SORCS2: variants seen among roughly 807,000 people sequenced by gnomAD.
SORCS2 encodes VPS10 domain-containing receptor SorCS2.
SORCS2 carries 100 observed loss-of-function variants against 141.6 expected under a neutral mutation model. The observed-to-expected ratio is 0.71, with a 90% CI of 0.60 to 0.83. SORCS2 has a LOEUF of 0.83. Ranked by LOEUF, SORCS2 falls within the 40% of genes least tolerant of loss-of-function variation. The pLI, the probability that SORCS2 is intolerant of heterozygous loss-of-function variation, is 0.00. For synonymous variants in SORCS2, 789 were observed against 676.9 expected (o/e 1.17, Z -2.57); for missense variants, 1,646 against 1,560.2 (o/e 1.05, Z -0.93).
intron 3 of SORCS2, among the ~76,000 whole-genome samples, chr4:7,555,845 A>C (rs1714065542): frequency 6.6e-6 from 1 of 152,208 alleles, no homozygotes; most frequent in African/African-American, 2.4e-5. Flanking sequence ...AGAGACTTGA[A>C]GAAGGTCAGT....
chr4:7,302,326 G>A (rs1717486364), intron 1 of SORCS2, among the ~76,000 whole-genome samples: 2 of 152,238 alleles, frequency 1.3e-5, no homozygotes. Flanking sequence ...ACTAGTGGCT[G>A]TGCAGTGGTT....
At chr4:7,432,531 C>T (rs928689723) in intron 2 of SORCS2, 1 of 152,212 alleles carries the variant, frequency 6.6e-6, no homozygotes, top group Non-Finnish European at 1.5e-5. Flanking sequence ...CGGTGGCCAC[C>T]CCAGACTCCT....
At chr4:7,492,870 A>G (rs1277111214) in intron 2 of SORCS2, among the ~76,000 whole-genome samples, 1 of 152,258 alleles carries the variant, frequency 6.6e-6, no homozygotes, top group Non-Finnish European at 1.5e-5. Context: ...ACCCCAGGGC[A>G]GGCCCGGACT....
chr4:7,554,606 G>A (rs548274285), intron 3 of SORCS2, among the ~76,000 whole-genome samples: 46 of 152,300 alleles, frequency 3.0e-4, no homozygotes, highest in African/African-American at 7.2e-4. Context: ...TTAAGAATAT[G>A]TGTAGGTAGA....
intron 11 of SORCS2, among the ~76,000 whole-genome samples, chr4:7,692,290 A>T (rs1724307069): frequency 2.6e-5 from 4 of 152,122 alleles, no homozygotes; most frequent in Admixed American, 6.5e-5. Context: ...CTGTTTCCAC[A>T]GGGTCGCTCC....
intron 1 of SORCS2, among the ~76,000 whole-genome samples, chr4:7,206,483 C>T (rs1222314119): frequency 2.6e-5 from 4 of 152,194 alleles, no homozygotes; most frequent in Non-Finnish European, 5.9e-5. Flanking sequence ...GGCCCACTGC[C>T]GGCTCCACGA....
intron 2 of SORCS2, among the ~76,000 whole-genome samples, chr4:7,526,922 A>T (rs1174693761): frequency 6.6e-6 from 1 of 152,250 alleles, no homozygotes; most frequent in Non-Finnish European, 1.5e-5. Context: ...AATCAATATA[A>T]ACATTATAAT....
chr4:7,416,456 C>T (rs905969172), intron 2 of SORCS2, among the ~76,000 whole-genome samples: 1 of 152,162 alleles, frequency 6.6e-6, no homozygotes, highest in East Asian at 1.9e-4. Context: ...CCACTGATGC[C>T]CTGTGTACGG....
At chr4:7,661,344 A>G (rs1722151427) in intron 5 of SORCS2, among the ~76,000 whole-genome samples, 156 bp from the exon 6 acceptor site, 1 of 149,890 alleles carries the variant, frequency 6.7e-6, no homozygotes, top group South Asian at 2.1e-4. Flanking sequence ...CCTCAGGAGC[A>G]GGTGGGGTCC....
intron 3 of SORCS2, among the ~76,000 whole-genome samples, chr4:7,558,918 C>T (rs1488732120): frequency 1.3e-5 from 2 of 152,196 alleles, no homozygotes; most frequent in East Asian, 1.9e-4. Flanking sequence ...CCTCCGAGGA[C>T]CTTTTCTGTC....
At chr4:7,247,336 A>T (rs1224174997) in intron 1 of SORCS2, among the ~76,000 whole-genome samples, 2 of 150,318 alleles carry the variant, frequency 1.3e-5, no homozygotes, top group Non-Finnish European at 1.5e-5. Context: ...TGGAGGCTTT[A>T]CTGTTTCTGG....
intron 1 of SORCS2, among the ~76,000 whole-genome samples, chr4:7,299,841 G>C (rs1473361151): frequency 6.6e-6 from 1 of 152,170 alleles, no homozygotes; most frequent in East Asian, 1.9e-4. Context: ...TTACCGTCCA[G>C]CCAGGCATGT....
At chr4:7,387,520 T>TACAC (rs1284310924) in intron 1 of SORCS2, among the ~76,000 whole-genome samples, 233 of 48,314 alleles carry the variant, frequency 4.8e-3, no homozygotes, top group African/African-American at 0.03. Flanking sequence ...TACACAGAGA[T>TACAC]ACATATGCAC....
intron 2 of SORCS2, chr4:7,433,194 G>A (rs540184948): frequency 5.2e-4 from 566 of 1,093,208 alleles, no homozygotes; most frequent in Admixed American, 7.0e-4. Context: ...TTGAACTTCA[G>A]CTCTGCTCCT....
At chr4:7,334,603 G>A (rs767426911) in intron 1 of SORCS2, among the ~76,000 whole-genome samples, 2 of 152,190 alleles carry the variant, frequency 1.3e-5, no homozygotes, top group Non-Finnish European at 2.9e-5. Context: ...CCTGGACCTT[G>A]TCAGTTCCTG....
chr4:7,386,197 A>G (rs1723293338), intron 1 of SORCS2, among the ~76,000 whole-genome samples: 1 of 128,588 alleles, frequency 7.8e-6, no homozygotes, highest in South Asian at 2.8e-4. Flanking sequence ...GCACACACAT[A>G]CACATTTGCA....
rs552173673 is a variant in SORCS2 at position 7,373,768 on chromosome 4, AG to A, written c.481-22518del. Among the ~76,000 whole-genome samples, 1,065 of 152,092 alleles carry A rather than the reference AG, an allele frequency of 7.0e-3. 8 individuals carry two copies. The highest frequency in any genetic ancestry group is 0.024 in the African/African-American group (996 of 41,474). Reference sequence around the variant, plus strand: ...CGGCCTCCCAAAGTGCTGGGATTACAGGTGTAAGCCACCACACCTGGCCCCT... The same window carrying A: ...CGGCCTCCCAAAGTGCTGGGATTACAGTGTAAGCCACCACACCTGGCCCCT... On this transcript the variant is annotated intron_variant, in intron 1 of 26. Coordinates refer to ENST00000507866, the MANE Select transcript of SORCS2 (RefSeq NM_020777.3).
At chr4:7,605,392 C>A (rs1165420082) in intron 3 of SORCS2, among the ~76,000 whole-genome samples, 1 of 152,092 alleles carries the variant, frequency 6.6e-6, no homozygotes, top group Non-Finnish European at 1.5e-5. Flanking sequence ...ATTGGGAGTT[C>A]TGTTCTTCGA....
chr4:7,666,969 G>A (rs953409007), intron 7 of SORCS2, among the ~76,000 whole-genome samples, 155 bp from the exon 8 acceptor site: 1 of 152,048 alleles, frequency 6.6e-6, no homozygotes, highest in Admixed American at 6.6e-5. Context: ...GGCTTTGAAG[G>A]ATGAATAGGA....
Sources: gnomAD v4.1 joint callset for allele counts (sites outside exome capture counted in the v4.1 genomes callset) on GRCh38, gnomAD v4.1.1 for gene constraint, MANE v1.5 for transcripts, NCBI Gene and HGNC (gene_info 2026-07-23, HGNC 2026-07-21) for gene names.